TUSC3: variants seen among roughly 807,000 people sequenced by gnomAD.
TUSC3 encodes the protein tumor suppressor candidate 3.
Under a neutral mutation model 44.8 loss-of-function variants are expected in TUSC3, and 45 were observed. That is an observed-to-expected ratio of 1.00 (90% CI 0.79 to 1.29). The LOEUF (loss-of-function observed/expected upper bound fraction) is 1.29. Among genes scored for constraint, TUSC3 ranks in the 50% most tolerant of loss-of-function variants. The pLI, the probability that TUSC3 is intolerant of heterozygous loss-of-function variation, is 0.00. For synonymous variants in TUSC3, 212 were observed against 152.9 expected (o/e 1.39, Z -2.85); for missense variants, 519 against 437.9 (o/e 1.19, Z -1.65).
the TUSC3 span, among the ~76,000 whole-genome samples, chr8:15,794,852 C>A: frequency 6.6e-6 from 1 of 152,126 alleles, no homozygotes; most frequent in Admixed American, 6.5e-5. Flanking sequence ...GAACTATCTT[C>A]CATGGCTATT....
intron 1 of TUSC3, among the ~76,000 whole-genome samples, chr8:15,474,196 A>G (rs1028193785): frequency 1.3e-5 from 2 of 152,130 alleles, no homozygotes; most frequent in Non-Finnish European, 2.9e-5. Context: ...GTCAGACCTT[A>G]TGGTTGTCTT....
intron 2 of TUSC3, among the ~76,000 whole-genome samples, chr8:15,505,648 T>C (rs1465017210): frequency 6.6e-6 from 1 of 152,222 alleles, no homozygotes; most frequent in Non-Finnish European, 1.5e-5. Flanking sequence ...AGAATCTGAT[T>C]CAGCAGGTCT....
chr8:15,675,774 C>G (rs1309433792), intron 6 of TUSC3, among the ~76,000 whole-genome samples: 2 of 152,068 alleles, frequency 1.3e-5, no homozygotes, highest in African/African-American at 2.4e-5. Context: ...TGAGTTCATT[C>G]TTTTTTATGG....
intron 6 of TUSC3, among the ~76,000 whole-genome samples, chr8:15,716,972 A>C (rs1810084152): frequency 6.6e-6 from 1 of 152,052 alleles, no homozygotes. Flanking sequence ...GTAGGGTTTA[A>C]ATGTATTGTA....
intron 6 of TUSC3, among the ~76,000 whole-genome samples, chr8:15,723,919 C>G (rs889910639): frequency 6.6e-6 from 1 of 152,094 alleles, no homozygotes; most frequent in African/African-American, 2.4e-5. Context: ...CTATCTTATT[C>G]ACTTAGAATT....
chr8:15,710,574 C>G (rs1809799617), intron 6 of TUSC3, among the ~76,000 whole-genome samples: 2 of 151,722 alleles, frequency 1.3e-5, no homozygotes, highest in Admixed American at 1.3e-4. Context: ...GTTTACCTCT[C>G]CACTGTCATT....
rs564152028 is a variant in TUSC3 at position 15,438,727 on chromosome 8, C to G, written n.91+21422C>G. On this transcript the variant is annotated intron_variant and non_coding_transcript_variant, in intron 1 of 5. Transcript: ENST00000503191. ...TAACAGTCCTTGCTCTTATATAGGA[C>G]TTCATTTAGTGCAATTCTCAAATTG... Among the ~76,000 whole-genome samples, 5 of 152,288 alleles carry G rather than the reference C, an allele frequency of 3.3e-5. No homozygotes were observed. In the South Asian group the frequency reaches 1.0e-3, roughly 32 times the overall value.
chr8:15,674,743 G>T (rs1808107988), intron 6 of TUSC3, among the ~76,000 whole-genome samples: 1 of 151,774 alleles, frequency 6.6e-6, no homozygotes, highest in African/African-American at 2.4e-5. Flanking sequence ...TTGAATAATT[G>T]GTTGCCATAA....
downstream of TUSC3, among the ~76,000 whole-genome samples, chr8:15,768,763 G>T (rs541088282): frequency 1.3e-5 from 2 of 152,102 alleles, no homozygotes; most frequent in Non-Finnish European, 2.9e-5. Flanking sequence ...CAAAATCAAT[G>T]TGCGAAAACC....
At chr8:15,700,886 T>C (rs1328386204) in intron 6 of TUSC3, among the ~76,000 whole-genome samples, 1 of 143,852 alleles carries the variant, frequency 7.0e-6, no homozygotes, top group African/African-American at 2.6e-5. Flanking sequence ...TGTTGGTGTT[T>C]CTGGGTTGCC....
intron 5 of TUSC3, among the ~76,000 whole-genome samples, chr8:15,671,522 C>A (rs554657079): frequency 6.6e-6 from 1 of 151,984 alleles, no homozygotes; most frequent in South Asian, 2.1e-4. Context: ...ATGAAAAGTG[C>A]CAGCGCTATG....
the TUSC3 span, among the ~76,000 whole-genome samples, chr8:15,797,294 G>A: frequency 2.6e-5 from 4 of 152,226 alleles, no homozygotes; most frequent in Non-Finnish European, 4.4e-5. Flanking sequence ...ATGCCCAAGA[G>A]AGGTACATTC....
chr8:15,512,820 GTGTGTGTGTGTGTGTATATATATT>G (rs1431505837), intron 2 of TUSC3, among the ~76,000 whole-genome samples: 8 of 784 alleles, frequency 0.01, no homozygotes, highest in African/African-American at 0.012. Flanking sequence ...CTGTCTTGGG[GTGTGTGTGTGTGTGTATATATATT>G]TGTGTGTGTG....
intron 1 of TUSC3, among the ~76,000 whole-genome samples, chr8:15,439,779 C>T (rs767446252): frequency 6.6e-6 from 1 of 152,118 alleles, no homozygotes; most frequent in Admixed American, 6.6e-5. Context: ...TTTGATCCTT[C>T]TATATAGTCT....
At chr8:15,793,336 T>G in the TUSC3 span, among the ~76,000 whole-genome samples, 1 of 152,072 alleles carries the variant, frequency 6.6e-6, no homozygotes, top group Non-Finnish European at 1.5e-5. Flanking sequence ...TTGCATGACC[T>G]TAGCTCCTCC....
intron 2 of TUSC3, among the ~76,000 whole-genome samples, chr8:15,534,535 C>T (rs1021606195): frequency 1.6e-4 from 24 of 150,264 alleles, no homozygotes; most frequent in African/African-American, 4.4e-4. Context: ...CCCAGCTACT[C>T]GGGAGGCTGA....
At chr8:15,694,488 T>C (rs888902841) in intron 6 of TUSC3, among the ~76,000 whole-genome samples, 1 of 149,490 alleles carries the variant, frequency 6.7e-6, no homozygotes, top group African/African-American at 2.5e-5. Context: ...TGTGGCCATT[T>C]GGAGGTAAGA....
At chr8:15,451,335 G>C (rs925848524) in intron 1 of TUSC3, among the ~76,000 whole-genome samples, 10 of 152,102 alleles carry the variant, frequency 6.6e-5, no homozygotes, top group African/African-American at 2.2e-4. Context: ...GGGGCCTCCT[G>C]GGTAGCTCAG....
intron 2 of TUSC3, among the ~76,000 whole-genome samples, chr8:15,641,080 G>T (rs1806343314): frequency 6.6e-6 from 1 of 152,144 alleles, no homozygotes; most frequent in African/African-American, 2.4e-5. Flanking sequence ...CTAGGTTGAG[G>T]CCGGGCGCGG....
Sources: allele counts gnomAD v4.1 joint callset (sites outside exome capture counted in the v4.1 genomes callset), GRCh38; gene constraint gnomAD v4.1.1; transcripts MANE v1.5; gene names NCBI Gene and HGNC (gene_info 2026-07-23, HGNC 2026-07-21).